Variants in PTPRG observed in about 807,000 individuals in gnomAD.
PTPRG encodes receptor-type tyrosine-protein phosphatase gamma.
In PTPRG, 102 loss-of-function variants were observed where a neutral mutation model predicts 165.3. The observed-to-expected ratio is 0.62, with a 90% CI of 0.53 to 0.73. PTPRG has a LOEUF of 0.73. Ranked by LOEUF, PTPRG falls within the 30% of genes least tolerant of loss-of-function variation. The pLI is 0.00. For missense variants in PTPRG, 1,866 were observed against 1,861.4 expected (o/e 1.00, Z -0.05); for synonymous variants, 675 against 669.5 (o/e 1.01, Z -0.13).
chr3:62,044,217 CCT>C (rs1258604792), intron 4 of PTPRG, among the ~76,000 whole-genome samples: 1 of 152,242 alleles, frequency 6.6e-6, no homozygotes, highest in African/African-American at 2.4e-5. Context: ...AGTCACTTAA[CCT>C]CTCTCTGCTC....
intron 6 of PTPRG, among the ~76,000 whole-genome samples, chr3:62,138,731 A>AAG (rs1703812241): frequency 6.6e-6 from 1 of 151,888 alleles, no homozygotes; most frequent in Non-Finnish European, 1.5e-5. Context: ...AAAAAAAAAA[A>AAG]AAAAAGAAAG....
In PTPRG at chr3:61,823,694, C is replaced by A. The variant is rs375003781; in HGVS notation, c.190+74712C>A. 3.7e-4 allele frequency among the ~76,000 whole-genome samples: 57 copies of A among 152,284 alleles called. 1 individual carries two copies. The highest frequency in any genetic ancestry group is 1.3e-3 in the African/African-American group (55 of 41,572). On this transcript the variant is annotated intron_variant, in intron 2 of 29. Transcript: ENST00000474889. ...TAGCTTAATAAGGTGAAAGGAAAAACAACTTGTTCTTCATGGAGTTTAAGT... is the reference window on the plus strand; with the variant it reads ...TAGCTTAATAAGGTGAAAGGAAAAAAAACTTGTTCTTCATGGAGTTTAAGT...
At chr3:62,091,099 A>G (rs1171332033) in intron 5 of PTPRG, among the ~76,000 whole-genome samples, 1 of 152,240 alleles carries the variant, frequency 6.6e-6, no homozygotes, top group African/African-American at 2.4e-5. Flanking sequence ...TAGGGTTAAA[A>G]AATGCCAAAA....
intron 2 of PTPRG, among the ~76,000 whole-genome samples, chr3:61,925,483 C>A (rs1349414695): frequency 1.3e-5 from 2 of 152,230 alleles, no homozygotes; most frequent in Non-Finnish European, 2.9e-5. Context: ...GTGGCTCACA[C>A]TTGTAATGCC....
At chr3:61,989,963 A>T (rs2040846148) in intron 3 of PTPRG, among the ~76,000 whole-genome samples, 159 bp downstream of exon 3, 1 of 152,140 alleles carries the variant, frequency 6.6e-6, no homozygotes, top group Admixed American at 6.6e-5. Context: ...TAACTCAGTA[A>T]ATCACTCTGT....
intron 2 of PTPRG, among the ~76,000 whole-genome samples, chr3:61,957,284 CAG>C (rs773182827): frequency 2.6e-5 from 4 of 152,278 alleles, no homozygotes; most frequent in African/African-American, 9.6e-5. Context: ...TATTTATAAA[CAG>C]AAATGTAAAA....
At chr3:62,010,119 A>G (rs2041385603) in intron 4 of PTPRG, among the ~76,000 whole-genome samples, 2 of 152,090 alleles carry the variant, frequency 1.3e-5, no homozygotes, top group South Asian at 4.2e-4. Flanking sequence ...AGGTCTTGCT[A>G]TGTTGCCCAC....
At chr3:61,740,790 A>C (rs1345494138) in intron 1 of PTPRG, among the ~76,000 whole-genome samples, 1 of 152,170 alleles carries the variant, frequency 6.6e-6, no homozygotes, top group Non-Finnish European at 1.5e-5. Flanking sequence ...TATTCATGTA[A>C]GGTGATGAAA....
intron 7 of PTPRG, among the ~76,000 whole-genome samples, chr3:62,165,584 T>A (rs1477480750): frequency 6.6e-6 from 1 of 151,774 alleles, no homozygotes; most frequent in African/African-American, 2.4e-5. Flanking sequence ...ACACTATGAG[T>A]TTTTATGATA....
chr3:62,287,009 A>G (rs571830398), intron 28 of PTPRG, among the ~76,000 whole-genome samples: 2 of 152,248 alleles, frequency 1.3e-5, no homozygotes, highest in East Asian at 3.9e-4. Flanking sequence ...GCCATATTGT[A>G]TAAATACTTT....
intron 1 of PTPRG, among the ~76,000 whole-genome samples, chr3:61,636,471 G>C (rs1400977489): frequency 1.3e-5 from 2 of 152,096 alleles, no homozygotes; most frequent in Non-Finnish European, 2.9e-5. Context: ...CATCTATCTT[G>C]TTGTATCAGT....
intron 2 of PTPRG, among the ~76,000 whole-genome samples, chr3:61,945,704 A>G (rs79749142): frequency 0.011 from 1,615 of 152,260 alleles, 30 homozygotes; most frequent in African/African-American, 0.037. Context: ...AAACATAAAT[A>G]TGTCATCTGT....
intron 2 of PTPRG, among the ~76,000 whole-genome samples, chr3:61,777,813 A>C (rs1463547120): frequency 6.6e-6 from 1 of 152,200 alleles, no homozygotes; most frequent in Non-Finnish European, 1.5e-5. Context: ...GGGTAATCAC[A>C]TCATCTGTTC....
At chr3:61,723,711 C>T (rs2106801729) in intron 1 of PTPRG, among the ~76,000 whole-genome samples, 1 of 152,206 alleles carries the variant, frequency 6.6e-6, no homozygotes, top group African/African-American at 2.4e-5. Flanking sequence ...GATTACAGTA[C>T]AATATCAAAA....
At chr3:61,593,285 C>A (rs1700618676) in intron 1 of PTPRG, among the ~76,000 whole-genome samples, 1 of 151,960 alleles carries the variant, frequency 6.6e-6, no homozygotes, top group African/African-American at 2.4e-5. Context: ...AACCCTAAAG[C>A]AGTGTGTGTC....
At chr3:61,846,397 G>A (rs1165886954) in intron 2 of PTPRG, among the ~76,000 whole-genome samples, 1 of 152,112 alleles carries the variant, frequency 6.6e-6, no homozygotes, top group Non-Finnish European at 1.5e-5. Context: ...AAAGGAAACA[G>A]CCACTGGGGC....
intron 2 of PTPRG, among the ~76,000 whole-genome samples, chr3:61,897,356 C>T (rs1287507732): frequency 6.6e-6 from 1 of 151,920 alleles, no homozygotes; most frequent in Non-Finnish European, 1.5e-5. Context: ...AAAGGGTATT[C>T]TTCCATTAAT....
At chr3:62,048,695 C>G (rs1453797947) in intron 4 of PTPRG, among the ~76,000 whole-genome samples, 1 of 152,190 alleles carries the variant, frequency 6.6e-6, no homozygotes, top group Non-Finnish European at 1.5e-5. Flanking sequence ...TATTAGCAGA[C>G]TATTGTCTTC....
intron 2 of PTPRG, among the ~76,000 whole-genome samples, chr3:61,966,939 A>G (rs1203549177): frequency 6.6e-6 from 1 of 152,244 alleles, no homozygotes; most frequent in Non-Finnish European, 1.5e-5. Flanking sequence ...CATTTCTGCC[A>G]TAAAACTTAA....
Sources: gnomAD v4.1 joint callset for allele counts (sites outside exome capture counted in the v4.1 genomes callset) on GRCh38, gnomAD v4.1.1 for gene constraint, MANE v1.5 for transcripts, NCBI Gene and HGNC (gene_info 2026-07-23, HGNC 2026-07-21) for gene names.